Variants in PLAT observed in about 807,000 individuals in gnomAD.
The protein encoded by PLAT is plasminogen activator, tissue type.
A neutral mutation model predicts 74.9 loss-of-function variants in PLAT; 48 were observed. The ratio of observed to expected loss-of-function variants is 0.64; its 90% CI spans 0.51 to 0.82. The LOEUF (loss-of-function observed/expected upper bound fraction) is 0.82, where lower values mean the gene tolerates loss of function less well. Among genes scored for constraint, PLAT ranks in the 40% least tolerant of loss-of-function variants. The pLI is 0.00. For synonymous variants in PLAT, 307 were observed against 294.4 expected (o/e 1.04, Z -0.44); for missense variants, 673 against 736.2 (o/e 0.91, Z 0.99).
chr8:42,204,428 C>T (rs1806255515), intron 1 of PLAT, among the ~76,000 whole-genome samples: 1 of 152,146 alleles, frequency 6.6e-6, no homozygotes, highest in South Asian at 2.1e-4. Flanking sequence ...ACTGCAGGTG[C>T]ATAATGCCAA....
In PLAT at chr8:42,179,929, C is replaced by T. The variant is rs538663869; in HGVS notation, c.1360G>A (p.Ala454Thr). The T allele has an allele frequency of 1.3e-6, 2 of 1,594,724 alleles. No individual in the cohort carries two copies. The highest frequency in any genetic ancestry group is 2.7e-5 in the African/African-American group (2 of 74,760). ...GCCGAGACTTCCTTCCACTTACAGG[C>T]CTCATGCTTGCCGTAGCCGGAGAGC... The part of the protein sequence containing the change: ...CELSGYGKHE[A>T]LSPFYSERLK... The change falls in exon 12 of 14, where the codon GCC becomes ACC. Residue 454 changes from alanine (A) to threonine (T), a missense_variant. Coordinates refer to ENST00000220809, the MANE Select transcript of PLAT (RefSeq NM_000930.5).
At chr8:42,177,103 C>T (rs1180405945) in intron 13 of PLAT, among the ~76,000 whole-genome samples, 2 of 152,260 alleles carry the variant, frequency 1.3e-5, no homozygotes, top group African/African-American at 4.8e-5. Flanking sequence ...CTTATGGGCA[C>T]GCACCACCAC....
At chr8:42,202,915 C>T (rs1806190448) in intron 1 of PLAT, among the ~76,000 whole-genome samples, 1 of 152,154 alleles carries the variant, frequency 6.6e-6, no homozygotes, top group Non-Finnish European at 1.5e-5. Flanking sequence ...AGACAGAGCA[C>T]ATCCCCACGG....
chr8:42,189,723 C>T (rs571604521), intron 3 of PLAT, among the ~76,000 whole-genome samples: 23 of 150,816 alleles, frequency 1.5e-4, no homozygotes, highest in Middle Eastern at 3.4e-3. Context: ...CTCAGCCTCC[C>T]GAGTAGCTGG....
intron 9 of PLAT, among the ~76,000 whole-genome samples, chr8:42,181,309 C>T (rs926382012): frequency 1.5e-4 from 23 of 152,360 alleles, no homozygotes; most frequent in African/African-American, 5.0e-4. Flanking sequence ...ACTAAAGTTT[C>T]ATTTTTTAGC....
intron 7 of PLAT, chr8:42,184,809 G>A (rs2129729622): frequency 3.3e-6 from 1 of 301,630 alleles, no homozygotes; most frequent in South Asian, 1.6e-4. Context: ...CAAAAGGACT[G>A]AAAACCACTG....
chr8:42,200,887 C>T (rs1328060595), intron 1 of PLAT, among the ~76,000 whole-genome samples: 3 of 151,664 alleles, frequency 2.0e-5, no homozygotes, highest in African/African-American at 4.8e-5. Context: ...TGGATTGCAA[C>T]GGTGCAATCT....
Position 42,188,993 on chromosome 8 carries a change from C to T in PLAT, c.194G>A (p.Arg65Gln), listed in dbSNP as rs202117167. ...SWLRPVLRSN[R>Q]VEYCWCNSGR... ...ACTGTTGCACCAGCAATATTCCACC[C>T]GGTTGCTTCTGAGCACAGGGCGCAG... The change falls in exon 4 of 14, where the codon CGG becomes CAG. Residue 65 changes from arginine (R) to glutamine (Q), a missense_variant. By Grantham distance (43) the Arg-to-Gln change is conservative. Transcript: ENST00000220809. 8.2e-5 allele frequency: 133 copies of T among 1,614,064 alleles called. No homozygotes were observed. The highest frequency in any genetic ancestry group is 1.5e-4 in the Admixed American group (9 of 60,034).
intron 3 of PLAT, among the ~76,000 whole-genome samples, 174 bp from the exon 4 acceptor site, chr8:42,189,245 C>T (rs536575518): frequency 2.0e-5 from 3 of 152,142 alleles, no homozygotes; most frequent in East Asian, 1.9e-4. Flanking sequence ...TGGCCAAACA[C>T]GGTGACTGAT....
intron 9 of PLAT, 63 bp downstream of exon 9, chr8:42,181,874 T>C (rs1343928735): frequency 2.1e-6 from 2 of 949,920 alleles, no homozygotes; most frequent in East Asian, 2.4e-5. Context: ...GCCTAGAAAG[T>C]GGCGAGGAGA....
chr8:42,205,873 C>T (rs1437154209), intron 1 of PLAT, among the ~76,000 whole-genome samples: 2 of 152,202 alleles, frequency 1.3e-5, no homozygotes, highest in East Asian at 3.8e-4. Flanking sequence ...AATTGACAGA[C>T]CTGTCTCAGA....
intron 2 of PLAT, among the ~76,000 whole-genome samples, chr8:42,192,370 C>G (rs1180185004): frequency 1.3e-5 from 2 of 151,860 alleles, no homozygotes; most frequent in African/African-American, 2.4e-5. Context: ...TGGATTCAAC[C>G]AAAACAGAAA....
chr8:42,203,969 T>TATATA (rs1806230335), intron 1 of PLAT, among the ~76,000 whole-genome samples: 1 of 105,100 alleles, frequency 9.5e-6, no homozygotes, highest in Non-Finnish European at 1.8e-5. Context: ...TGTCTCTAAA[T>TATATA]TATATATATA....
chr8:42,191,814 C>T (rs1303622770), intron 2 of PLAT, among the ~76,000 whole-genome samples: 2 of 151,994 alleles, frequency 1.3e-5, no homozygotes, highest in East Asian at 3.9e-4. Context: ...GTCTACTCCA[C>T]GCAGTCACCT....
chr8:42,206,780 A>G (rs993491211), intron 1 of PLAT: 1 of 152,232 alleles, frequency 6.6e-6, no homozygotes, highest in Non-Finnish European at 1.5e-5. Context: ...TTTAGGAATA[A>G]AAGACATTAA....
intron 1 of PLAT, among the ~76,000 whole-genome samples, chr8:42,203,612 C>G (rs924297109): frequency 1.3e-5 from 2 of 152,158 alleles, no homozygotes; most frequent in Non-Finnish European, 2.9e-5. Flanking sequence ...TCCCATTCTA[C>G]AGAAGTTTCC....
At chr8:42,180,723 G>A in intron 9 of PLAT, 38 bp from the exon 10 acceptor site, 3 of 1,478,146 alleles carry the variant, frequency 2.0e-6, no homozygotes, top group Non-Finnish European at 2.7e-6. Context: ...CAGTCCCACA[G>A]GCCTCCTGCA....
At chr8:42,187,682 C>G in intron 5 of PLAT, 110 bp from the exon 6 acceptor site, 3 of 1,108,960 alleles carry the variant, frequency 2.7e-6, no homozygotes, top group Non-Finnish European at 3.8e-6. Context: ...CAGGCTGGCT[C>G]GGAAGCCACA....
chr8:42,205,950 G>A (rs2129840718), intron 1 of PLAT, among the ~76,000 whole-genome samples: 1 of 152,332 alleles, frequency 6.6e-6, no homozygotes, highest in Admixed American at 6.5e-5. Flanking sequence ...CTGGCCGCTG[G>A]CTCTGCTCAG....
Sources: gnomAD v4.1 joint callset for allele counts (sites outside exome capture counted in the v4.1 genomes callset) on GRCh38, gnomAD v4.1.1 for gene constraint, MANE v1.5 for transcripts, NCBI Gene and HGNC (gene_info 2026-07-23, HGNC 2026-07-21) for gene names.